INPP4B: variants seen among roughly 807,000 people sequenced by gnomAD.
The protein encoded by INPP4B is inositol polyphosphate 4-phosphatase type II.
Under a neutral mutation model 122.5 loss-of-function variants are expected in INPP4B, and 55 were observed. That is an observed-to-expected ratio of 0.45 (90% confidence interval 0.36 to 0.56). The LOEUF (loss-of-function observed/expected upper bound fraction) is 0.56. INPP4B is among the 20% of genes least tolerant of loss of function. The pLI is 0.00. For missense variants in INPP4B, 1,000 were observed against 1,097.7 expected (o/e 0.91, Z 1.26); for synonymous variants, 403 against 388.7 (o/e 1.04, Z -0.43).
chr4:142,569,460 T>A lies in INPP4B; in HGVS notation c.-190-106734A>T, dbSNP rs530321630. On this transcript the variant is annotated intron_variant, in intron 2 of 25. Coordinates refer to ENST00000262992, the MANE Select transcript of INPP4B (RefSeq NM_001101669.3). ...TTTCATAAATGTTAAATCACTGAAT[T>A]TGCATAACAAACAAACCTATGAGGT... Among the ~76,000 whole-genome samples, 91 of 152,226 alleles carry A rather than the reference T, an allele frequency of 6.0e-4. 1 individual carries two copies. The highest frequency in any genetic ancestry group is 1.0e-3 in the Non-Finnish European group (68 of 68,012).
chr4:142,421,836 T>C (rs1281088961), intron 5 of INPP4B, among the ~76,000 whole-genome samples: 9 of 152,132 alleles, frequency 5.9e-5, no homozygotes, highest in South Asian at 2.1e-4. Flanking sequence ...AGCGCTTCCA[T>C]AGTTTTTGGT....
intron 2 of INPP4B, among the ~76,000 whole-genome samples, chr4:142,555,467 A>G (rs1392325826): frequency 6.6e-6 from 1 of 152,178 alleles, no homozygotes; most frequent in Non-Finnish European, 1.5e-5. Flanking sequence ...TATCTCATGT[A>G]TTTATTAGAC....
intron 25 of INPP4B, among the ~76,000 whole-genome samples, chr4:142,062,513 A>C (rs1578767966): frequency 1.3e-5 from 2 of 152,164 alleles, no homozygotes; most frequent in Non-Finnish European, 2.9e-5. Context: ...AGGCGGGTGG[A>C]TCACCTGAGG....
chr4:142,550,586 A>C (rs981343232), intron 2 of INPP4B, among the ~76,000 whole-genome samples: 10 of 46,366 alleles, frequency 2.2e-4, no homozygotes, highest in African/African-American at 7.5e-4. Context: ...TATATGTAAT[A>C]TATACACACA....
intron 1 of INPP4B, among the ~76,000 whole-genome samples, chr4:142,845,748 G>A (rs1256377631): frequency 6.6e-6 from 1 of 151,942 alleles, no homozygotes; most frequent in East Asian, 2.0e-4. Context: ...CGGCGGCGGC[G>A]GCGGCGGCAG....
intron 18 of INPP4B, among the ~76,000 whole-genome samples, chr4:142,138,919 G>A (rs1457288036): frequency 1.3e-5 from 2 of 152,114 alleles, no homozygotes; most frequent in Non-Finnish European, 2.9e-5. Flanking sequence ...CATGCCTCAA[G>A]GCCAATAAAG....
At chr4:142,730,370 G>A (rs564138848) in intron 1 of INPP4B, among the ~76,000 whole-genome samples, 18 of 152,242 alleles carry the variant, frequency 1.2e-4, no homozygotes, top group Admixed American at 3.3e-4. Context: ...ATGTCTTCTG[G>A]ATATACTATT....
At chr4:142,752,216 A>C (rs373556692) in intron 1 of INPP4B, among the ~76,000 whole-genome samples, 1 of 152,090 alleles carries the variant, frequency 6.6e-6, no homozygotes, top group South Asian at 2.1e-4. Context: ...CAGCTGAAAA[A>C]GAAAATTAAG....
At chr4:142,145,110 A>G (rs553663639) in intron 18 of INPP4B, among the ~76,000 whole-genome samples, 1 of 152,252 alleles carries the variant, frequency 6.6e-6, no homozygotes, top group Non-Finnish European at 1.5e-5. Flanking sequence ...AATCAAATCA[A>G]CAAAAAGAAA....
chr4:142,306,044 AT>A (rs1763224733), intron 8 of INPP4B: 4 of 502,840 alleles, frequency 8.0e-6, no homozygotes, highest in Non-Finnish European at 1.0e-5. Context: ...GTTTAAAAGC[AT>A]TTTTCCTTTG....
chr4:142,487,227 C>A lies in INPP4B; in HGVS notation c.-190-24501G>T, dbSNP rs578008522. On this transcript the variant is annotated intron_variant, in intron 2 of 25. Coordinates refer to ENST00000262992, the MANE Select transcript of INPP4B (RefSeq NM_001101669.3). Reference sequence around the variant, plus strand: ...TTCTAACATGATTGTGAAGCCTCCCCAGCCATATGGAACTGTAAGTCCAAT... The same window carrying A: ...TTCTAACATGATTGTGAAGCCTCCCAAGCCATATGGAACTGTAAGTCCAAT... Among the ~76,000 whole-genome samples the A allele has an allele frequency of 5.9e-5, 9 of 152,102 alleles. No individual in the cohort carries two copies. In the South Asian group the frequency reaches 8.3e-4, roughly 14 times the overall value.
intron 2 of INPP4B, among the ~76,000 whole-genome samples, chr4:142,687,559 CAAAAAA>C (rs3080815): frequency 4.0e-5 from 4 of 100,606 alleles, no homozygotes; most frequent in Non-Finnish European, 7.8e-5. Context: ...ATCCTTCCTC[CAAAAAA>C]AAAAAAAAAA....
At chr4:142,091,969 G>A (rs1228930507) in intron 23 of INPP4B, among the ~76,000 whole-genome samples, 1 of 152,160 alleles carries the variant, frequency 6.6e-6, no homozygotes, top group Non-Finnish European at 1.5e-5. Context: ...AATTGCCATG[G>A]GATGCACCAC....
chr4:142,451,900 G>T (rs1368664037), intron 3 of INPP4B, among the ~76,000 whole-genome samples: 1 of 152,156 alleles, frequency 6.6e-6, no homozygotes, highest in Non-Finnish European at 1.5e-5. Context: ...GGAAGGGGGT[G>T]CTCTGTCTAT....
intron 2 of INPP4B, among the ~76,000 whole-genome samples, chr4:142,703,108 T>A (rs955558244): frequency 6.6e-6 from 1 of 152,134 alleles, no homozygotes; most frequent in Non-Finnish European, 1.5e-5. Context: ...GAAGAGATTG[T>A]GAAAAAACTT....
At chr4:142,447,813 C>T (rs1418988909) in intron 3 of INPP4B, among the ~76,000 whole-genome samples, 4 of 152,084 alleles carry the variant, frequency 2.6e-5, no homozygotes, top group African/African-American at 7.2e-5. Context: ...GGTAACCCTG[C>T]CTCTGGGCTC....
chr4:142,567,530 T>C (rs189471214), intron 2 of INPP4B, among the ~76,000 whole-genome samples: 65 of 152,250 alleles, frequency 4.3e-4, no homozygotes, highest in African/African-American at 1.4e-3. Context: ...GTAGAAAAGG[T>C]AGAATGAACA....
intron 2 of INPP4B, among the ~76,000 whole-genome samples, chr4:142,652,629 A>C: frequency 6.6e-6 from 1 of 152,214 alleles, no homozygotes; most frequent in East Asian, 1.9e-4. Context: ...CAAAGAGAAT[A>C]AAATACCTAG....
At chr4:142,383,906 A>T (rs1439293258) in intron 7 of INPP4B, 2 of 568,526 alleles carry the variant, frequency 3.5e-6, no homozygotes, top group Non-Finnish European at 6.2e-6. Flanking sequence ...TATTCATGTG[A>T]CCTCTCTGCA....
Sources: allele counts gnomAD v4.1 joint callset (sites outside exome capture counted in the v4.1 genomes callset), GRCh38; gene constraint gnomAD v4.1.1; transcripts MANE v1.5; gene names NCBI Gene and HGNC (gene_info 2026-07-23, HGNC 2026-07-21).